The following IQCJ variants were observed in gnomAD, a reference collection of about 807,000 sequenced individuals.
IQCJ encodes the protein IQ domain-containing protein J.
IQCJ carries 9 observed loss-of-function variants against 11.0 expected under a neutral mutation model. The ratio of observed to expected loss-of-function variants is 0.82; its 90% confidence interval spans 0.49 to 1.43. The LOEUF (loss-of-function observed/expected upper bound fraction) is 1.43, where lower values mean the gene tolerates loss of function less well. Ranked by LOEUF, IQCJ falls within the 40% of genes most tolerant of loss-of-function variation. The pLI, the probability that IQCJ is intolerant of heterozygous loss-of-function variation, is 0.00. For synonymous variants in IQCJ, 55 were observed against 51.3 expected (o/e 1.07, Z -0.31); for missense variants, 146 against 133.2 (o/e 1.10, Z -0.47).
chr3:159,233,168 G>C (rs575305398), intron 1 of IQCJ, among the ~76,000 whole-genome samples: 1 of 152,154 alleles, frequency 6.6e-6, no homozygotes, highest in South Asian at 2.1e-4. Context: ...TCTCATTCTG[G>C]GTTTTGATGA....
At chr3:159,174,240 C>G (rs1000977546) in intron 1 of IQCJ, among the ~76,000 whole-genome samples, 10 of 152,072 alleles carry the variant, frequency 6.6e-5, no homozygotes, top group African/African-American at 9.7e-5. Context: ...CCAGATTTCT[C>G]TAAAGATTTT....
intron 1 of IQCJ, among the ~76,000 whole-genome samples, chr3:159,171,020 T>A (rs1451002480): frequency 6.6e-6 from 1 of 152,174 alleles, no homozygotes; most frequent in African/African-American, 2.4e-5. Context: ...TATAAGCTAG[T>A]AATTTAGTAA....
rs142752757 is a variant in IQCJ at position 159,127,666 on chromosome 3, G to A, written c.9+58225G>A. 1.1e-3 allele frequency among the ~76,000 whole-genome samples: 167 copies of A among 152,298 alleles called. No individual in the cohort carries two copies. The East Asian group carries it at 0.024, about 22-fold the overall frequency. ...AAAGCATAGTGCATTTAGTCGTGTT[G>A]ACTGAGAAGAAGTGGCAATTAGAGA... On this transcript the variant is annotated intron_variant, in intron 1 of 3. Coordinates refer to ENST00000397832, the MANE Select transcript of IQCJ (RefSeq NM_001042706.3).
chr3:159,128,475 G>A (rs1174160541), intron 1 of IQCJ, among the ~76,000 whole-genome samples: 2 of 152,266 alleles, frequency 1.3e-5, no homozygotes, highest in East Asian at 3.9e-4. Context: ...AGATACACAA[G>A]CAGAATTCAC....
At chr3:159,167,862 G>A (rs987711342) in intron 1 of IQCJ, among the ~76,000 whole-genome samples, 1 of 152,200 alleles carries the variant, frequency 6.6e-6, no homozygotes, top group Non-Finnish European at 1.5e-5. Context: ...TGATAGAGGA[G>A]GAAGAGAAGA....
intron 3 of IQCJ, among the ~76,000 whole-genome samples, chr3:159,254,091 C>T (rs1256932114): frequency 6.6e-6 from 1 of 152,138 alleles, no homozygotes; most frequent in Non-Finnish European, 1.5e-5. Context: ...AGTGTGTCAG[C>T]CTCACTACAC....
At chr3:159,134,190 G>A (rs537157173) in intron 1 of IQCJ, among the ~76,000 whole-genome samples, 2 of 152,154 alleles carry the variant, frequency 1.3e-5, no homozygotes, top group East Asian at 3.9e-4. Context: ...CTTTTCTCCT[G>A]TGGCAGATCA....
intron 1 of IQCJ, among the ~76,000 whole-genome samples, chr3:159,151,587 T>G (rs1017160286): frequency 1.3e-5 from 2 of 152,214 alleles, no homozygotes; most frequent in Non-Finnish European, 2.9e-5. Context: ...GGTCTCAGTT[T>G]CCTTCCCAAA....
In IQCJ at chr3:159,210,759, C is replaced by G. The variant is rs529832724; in HGVS notation, c.10-35084C>G. ...AATCTCGGCCCACTGCAACCTCCCC[C>G]TCCCGGATTCCAGTGATTCTCCTGC... On this transcript the variant is annotated intron_variant, in intron 1 of 3. Coordinates refer to ENST00000397832, the MANE Select transcript of IQCJ (RefSeq NM_001042706.3). Among the ~76,000 whole-genome samples, 4 of 152,316 alleles carry G rather than the reference C, an allele frequency of 2.6e-5. No individual in the cohort carries two copies. In the East Asian group the frequency reaches 5.8e-4, roughly 22 times the overall value.
chr3:159,151,441 T>C (rs1721211608), intron 1 of IQCJ, among the ~76,000 whole-genome samples: 2 of 152,212 alleles, frequency 1.3e-5, no homozygotes, highest in South Asian at 2.1e-4. Flanking sequence ...TTCTTCAGCA[T>C]GCTGGACAGC....
intron 1 of IQCJ, among the ~76,000 whole-genome samples, chr3:159,160,885 T>C (rs1721810890): frequency 6.6e-6 from 1 of 152,208 alleles, no homozygotes; most frequent in Non-Finnish European, 1.5e-5. Flanking sequence ...GGCTGCATAG[T>C]ATTCCATGGT....
intron 1 of IQCJ, among the ~76,000 whole-genome samples, chr3:159,086,025 T>A (rs932283058): frequency 6.6e-6 from 1 of 152,226 alleles, no homozygotes; most frequent in African/African-American, 2.4e-5. Flanking sequence ...GCCTAGGTTT[T>A]CTTCTAGGGT....
At chr3:159,136,523 CT>C (rs1329976497) in intron 1 of IQCJ, among the ~76,000 whole-genome samples, 1 of 152,154 alleles carries the variant, frequency 6.6e-6, no homozygotes, top group Non-Finnish European at 1.5e-5. Context: ...ACGCCATAAA[CT>C]GGGTGGCTTA....
At chr3:159,198,022 A>G (rs9840972) in intron 1 of IQCJ, among the ~76,000 whole-genome samples, 22,813 of 152,110 alleles carry the variant, frequency 0.15, 1,983 homozygotes, top group Admixed American at 0.21. Flanking sequence ...TTTCTCCTCC[A>G]TGTACTCTGA....
In IQCJ at chr3:159,136,377, C is replaced by T. The variant is rs535136896; in HGVS notation, c.9+66936C>T. Among the ~76,000 whole-genome samples the T allele has an allele frequency of 2.6e-5, 4 of 152,252 alleles. No homozygotes were observed. In the East Asian group the frequency reaches 7.7e-4, roughly 29 times the overall value. Reference sequence around the variant, plus strand: ...ATTGAATTCGATGTTCCTCAGGCCACATCTGGTTTTTCTGGATGGCGATTT... The same window carrying T: ...ATTGAATTCGATGTTCCTCAGGCCATATCTGGTTTTTCTGGATGGCGATTT... On this transcript the variant is annotated intron_variant, in intron 1 of 3. Transcript: ENST00000397832.
chr3:159,150,159 G>A (rs144723304), intron 1 of IQCJ, among the ~76,000 whole-genome samples: 45 of 152,304 alleles, frequency 3.0e-4, no homozygotes, highest in African/African-American at 9.9e-4. Flanking sequence ...ACCCAGAACA[G>A]GGATTTGAAT....
chr3:159,074,945 G>T (rs1017732160), intron 1 of IQCJ, among the ~76,000 whole-genome samples: 2 of 152,048 alleles, frequency 1.3e-5, no homozygotes, highest in South Asian at 2.1e-4. Context: ...ATGAGTTGCA[G>T]ACATCTTCTC....
chr3:159,208,625 C>T (rs1432774191), intron 1 of IQCJ, among the ~76,000 whole-genome samples: 1 of 152,128 alleles, frequency 6.6e-6, no homozygotes, highest in Non-Finnish European at 1.5e-5. Flanking sequence ...TTCTTTTCTC[C>T]AACTTCTTAA....
Position 159,101,501 on chromosome 3 carries a change from A to T in IQCJ, c.9+32060A>T, listed in dbSNP as rs370039088. Among the ~76,000 whole-genome samples the T allele has an allele frequency of 3.9e-5, 6 of 152,308 alleles. No homozygotes were observed. In the East Asian group the frequency reaches 9.7e-4, roughly 25 times the overall value. On this transcript the variant is annotated intron_variant, in intron 1 of 3. Transcript: ENST00000397832. ...TTGGAGGCAAGGTTGCTTCATGGGA[A>T]GGGGAGAGCCACTCAGTGGACATCA...
Sources: allele counts gnomAD v4.1 joint callset (sites outside exome capture counted in the v4.1 genomes callset), GRCh38; gene constraint gnomAD v4.1.1; transcripts MANE v1.5; gene names NCBI Gene and HGNC (gene_info 2026-07-23, HGNC 2026-07-21).